C20orf203: variants seen among roughly 807,000 people sequenced by gnomAD.
C20orf203 encodes uncharacterized protein C20orf203.
In C20orf203, 16 loss-of-function variants were observed where a neutral mutation model predicts 15.9. The observed-to-expected ratio is 1.01, with a 90% CI of 0.68 to 1.53. C20orf203 has a LOEUF of 1.53. Among genes scored for constraint, C20orf203 ranks in the 40% most tolerant of loss-of-function variants. The pLI is 0.00. For synonymous variants in C20orf203, 98 were observed against 97.2 expected, an observed-to-expected ratio of 1.01 and a Z score of -0.05; for missense variants, 263 against 247.5, an observed-to-expected ratio of 1.06 and a Z score of -0.42.
Position 32,634,008 on chromosome 20 carries a change from C to A in C20orf203, c.*1562G>T, listed in dbSNP as rs1982071784. On this transcript the variant is annotated 3_prime_UTR_variant, in exon 6 of 6. Transcript: ENST00000608990. ...CATGTGTCCAACTCTTCACTCCTTT[C>A]CTCAACAAACATTGACTGAAATTGA... 1 of 398,564 alleles carries A rather than the reference C, an allele frequency of 2.5e-6. No individual in the cohort carries two copies. 24.7% of individuals were successfully genotyped at this position (398,564 alleles called of 1,614,324 possible).
At chr20:32,665,579 T>C (rs757221412) in intron 1 of C20orf203, among the ~76,000 whole-genome samples, 6 of 152,226 alleles carry the variant, frequency 3.9e-5, no homozygotes, top group Non-Finnish European at 1.5e-5. Context: ...CAGAAGCTGG[T>C]GTGGCTAGAA....
At position 32,650,195 on chromosome 20, in the gene C20orf203, G is replaced by T. The variant is rs1600932220; in HGVS notation, c.*237C>A. On this transcript the variant is annotated 3_prime_UTR_variant, in exon 4 of 6. Transcript: ENST00000608990. ...AGCCTGCCCCGCATGTCCGGCCGGGGTTCTACCCAGAGCCAGCCTGGCACA... is the reference window on the plus strand; with the variant it reads ...AGCCTGCCCCGCATGTCCGGCCGGGTTTCTACCCAGAGCCAGCCTGGCACA... The T allele has an allele frequency of 3.7e-6, 2 of 534,190 alleles. No homozygotes were observed. The highest frequency in any genetic ancestry group is 6.3e-5 in the East Asian group (2 of 31,654). The allele number at this position is 534,190 out of a possible 1,614,324, so 33.1% of individuals were successfully genotyped here.
At chr20:32,641,445 T>C (rs1982279042) in intron 4 of C20orf203, among the ~76,000 whole-genome samples, 1 of 152,080 alleles carries the variant, frequency 6.6e-6, no homozygotes, top group Non-Finnish European at 1.5e-5. Context: ...TGTAAGTCTG[T>C]GTGTAGATAT....
chr20:32,634,737 T>G (rs1041823632), intron 5 of C20orf203, among the ~76,000 whole-genome samples: 2 of 152,084 alleles, frequency 1.3e-5, no homozygotes, highest in Non-Finnish European at 2.9e-5. Flanking sequence ...AGACAATGCA[T>G]CTGATGTAAC....
At chr20:32,637,615 A>G (rs1568744810) in intron 5 of C20orf203, among the ~76,000 whole-genome samples, 1 of 152,048 alleles carries the variant, frequency 6.6e-6, no homozygotes, top group African/African-American at 2.4e-5. Flanking sequence ...TCTCCATGTC[A>G]TTTGTTCACT....
intron 1 of C20orf203, among the ~76,000 whole-genome samples, chr20:32,669,059 C>A (rs1350291946): frequency 6.6e-6 from 1 of 152,152 alleles, no homozygotes; most frequent in African/African-American, 2.4e-5. Flanking sequence ...CGGGAGGAAG[C>A]CTTAGTGCAT....
chr20:32,642,959 G>T (rs1982323750), intron 4 of C20orf203, among the ~76,000 whole-genome samples: 1 of 152,168 alleles, frequency 6.6e-6, no homozygotes, highest in Admixed American at 6.5e-5. Flanking sequence ...GGTGGGGCCA[G>T]GCTGCCGGTG....
chr20:32,653,736 G>C (rs1982694191), intron 1 of C20orf203, among the ~76,000 whole-genome samples: 1 of 152,130 alleles, frequency 6.6e-6, no homozygotes. Flanking sequence ...AGAAAATAAA[G>C]TCATCCAGAT....
At chr20:32,646,363 G>A (rs760848234) in intron 4 of C20orf203, among the ~76,000 whole-genome samples, 5 of 151,864 alleles carry the variant, frequency 3.3e-5, no homozygotes, top group Admixed American at 6.6e-5. Context: ...ATGACACCAC[G>A]CCTTGTTAAT....
chr20:32,666,949 T>A (rs1015072357), intron 1 of C20orf203, among the ~76,000 whole-genome samples: 3 of 150,878 alleles, frequency 2.0e-5, no homozygotes, highest in African/African-American at 7.3e-5. Flanking sequence ...ACGTACAATT[T>A]GATATATTTT....
At chr20:32,670,673 A>T (rs1046887068) in intron 1 of C20orf203, among the ~76,000 whole-genome samples, 1 of 151,920 alleles carries the variant, frequency 6.6e-6, no homozygotes, top group Non-Finnish European at 1.5e-5. Context: ...CTCTACTAAA[A>T]ATATGAAAAT....
chr20:32,637,284 G>T (rs1647457913), intron 5 of C20orf203, among the ~76,000 whole-genome samples: 1 of 152,146 alleles, frequency 6.6e-6, no homozygotes, highest in Admixed American at 6.5e-5. Context: ...GTGGTGGCAG[G>T]CGCCTATAGT....
chr20:32,666,529 T>C (rs181843946), intron 1 of C20orf203, among the ~76,000 whole-genome samples: 2 of 150,914 alleles, frequency 1.3e-5, no homozygotes, highest in Admixed American at 6.6e-5. Flanking sequence ...TTTGGGAGGC[T>C]GAGGCGGGCA....
At position 32,650,818 on chromosome 20, in the gene C20orf203, T is replaced by C; in HGVS notation, c.199A>G (p.Arg67Gly). 1.4e-6 allele frequency: 2 copies of C among 1,479,806 alleles called. No homozygotes were observed. The highest frequency in any genetic ancestry group is 1.8e-6 in the Non-Finnish European group (2 of 1,112,746). The allele number at this position is 1,479,806 out of a possible 1,614,324, so 91.7% of individuals were successfully genotyped here. A position where few individuals can be genotyped will look rare whatever the true frequency, so the allele number is the denominator to read the frequency against. The change falls in exon 4 of 6, where the codon AGG becomes GGG. Residue 67 changes from arginine (R) to glycine (G), a missense_variant. Coordinates refer to ENST00000608990, the MANE Select transcript of C20orf203 (RefSeq NM_182584.4). ...TGGACTCGCTGAGCCTTTGAGGTCCTCCTTCCCGCCCCACCGCCAAGGTCC... is the reference window on the plus strand; with the variant it reads ...TGGACTCGCTGAGCCTTTGAGGTCCCCCTTCCCGCCCCACCGCCAAGGTCC... Reference protein sequence around the residue: ...LWDLGGGAGRRTSKAQRVHPQ... With the variant: ...LWDLGGGAGRGTSKAQRVHPQ...
At chr20:32,667,816 G>A (rs1157708439) in intron 1 of C20orf203, among the ~76,000 whole-genome samples, 1 of 152,086 alleles carries the variant, frequency 6.6e-6, no homozygotes, top group Non-Finnish European at 1.5e-5. Flanking sequence ...GACTACAGGC[G>A]CGTGCCACCA....
At chr20:32,667,134 G>A (rs1983056208) in intron 1 of C20orf203, among the ~76,000 whole-genome samples, 1 of 152,052 alleles carries the variant, frequency 6.6e-6, no homozygotes, top group African/African-American at 2.4e-5. Flanking sequence ...CACTGGCTGG[G>A]GCTGCACTGG....
rs550883330 is a variant in C20orf203 at position 32,667,822 on chromosome 20, C to A, written c.-264+5810G>T. ...AGTAGCCGGGACTACAGGCGCGTGCCACCACACCCAGCTAATTTTTTCTAT... is the reference window on the plus strand; with the variant it reads ...AGTAGCCGGGACTACAGGCGCGTGCAACCACACCCAGCTAATTTTTTCTAT... On this transcript the variant is annotated intron_variant, in intron 1 of 5. Coordinates refer to ENST00000608990, the MANE Select transcript of C20orf203 (RefSeq NM_182584.4). 3.3e-5 allele frequency among the ~76,000 whole-genome samples: 5 copies of A among 152,258 alleles called. No individual in the cohort carries two copies. The East Asian group carries it at 9.7e-4, about 29-fold the overall frequency.
chr20:32,664,744 T>A (rs974102079), intron 1 of C20orf203, among the ~76,000 whole-genome samples: 4 of 152,210 alleles, frequency 2.6e-5, no homozygotes, highest in African/African-American at 9.6e-5. Flanking sequence ...CAGCCAGTGG[T>A]CCTGCAGATG....
At chr20:32,646,024 C>T (rs1240503564) in intron 4 of C20orf203, among the ~76,000 whole-genome samples, 2 of 152,164 alleles carry the variant, frequency 1.3e-5, no homozygotes, top group East Asian at 3.8e-4. Flanking sequence ...CAGAGAGTCC[C>T]TGGCTTCAAA....
Sources: gnomAD v4.1 joint callset for allele counts (sites outside exome capture counted in the v4.1 genomes callset) on GRCh38, gnomAD v4.1.1 for gene constraint, MANE v1.5 for transcripts, NCBI Gene and HGNC (gene_info 2026-07-23, HGNC 2026-07-21) for gene names.